IQGAP2: variants seen among roughly 807,000 people sequenced by gnomAD.
The protein encoded by IQGAP2 is IQ motif containing GTPase activating protein 2.
Under a neutral mutation model 201.3 loss-of-function variants are expected in IQGAP2, and 173 were observed. The ratio of observed to expected loss-of-function variants is 0.86; its 90% CI spans 0.76 to 0.98. The LOEUF is 0.98. Ranked by LOEUF, IQGAP2 falls within the 50% of genes least tolerant of loss-of-function variation. The pLI is 0.00. For missense variants in IQGAP2, 1,687 were observed against 1,864.8 expected (o/e 0.90, Z 1.76); for synonymous variants, 675 against 673.9 (o/e 1.00, Z -0.03).
chr5:76,661,073 T>C (rs1458743973), intron 21 of IQGAP2, among the ~76,000 whole-genome samples: 1 of 152,202 alleles, frequency 6.6e-6, no homozygotes, highest in Non-Finnish European at 1.5e-5. Context: ...CTTTGGGTGA[T>C]AGTTAAGTTT....
At chr5:76,482,686 G>A (rs1403670633) in intron 2 of IQGAP2, among the ~76,000 whole-genome samples, 1 of 152,214 alleles carries the variant, frequency 6.6e-6, no homozygotes, top group African/African-American at 2.4e-5. Context: ...GTTATTCATT[G>A]TGTACAGCTG....
At chr5:76,551,259 G>T (rs1047704149) in intron 2 of IQGAP2, among the ~76,000 whole-genome samples, 4 of 151,450 alleles carry the variant, frequency 2.6e-5, no homozygotes, top group African/African-American at 9.7e-5. Context: ...CCCAGACGGG[G>T]CGGCGGGGCA....
chr5:76,573,702 C>T (rs1745275542), intron 4 of IQGAP2, among the ~76,000 whole-genome samples: 1 of 152,234 alleles, frequency 6.6e-6, no homozygotes, highest in South Asian at 2.1e-4. Context: ...ATCTTCGCCT[C>T]CTGGGTTCAA....
intron 2 of IQGAP2, among the ~76,000 whole-genome samples, chr5:76,525,378 T>G (rs568696276): frequency 6.6e-6 from 1 of 152,352 alleles, no homozygotes; most frequent in African/African-American, 2.4e-5. Flanking sequence ...AATTTAGGAC[T>G]TAAAATCTGG....
chr5:76,662,383 C>G (rs1743336773), intron 21 of IQGAP2, among the ~76,000 whole-genome samples: 1 of 152,150 alleles, frequency 6.6e-6, no homozygotes, highest in Admixed American at 6.5e-5. Context: ...TAGATCTGCC[C>G]CAGATCTTGC....
At chr5:76,452,877 A>G (rs1753847846) in intron 1 of IQGAP2, among the ~76,000 whole-genome samples, 1 of 151,776 alleles carries the variant, frequency 6.6e-6, no homozygotes, top group African/African-American at 2.4e-5. Flanking sequence ...TTCCTATTCG[A>G]AAAATGTATT....
intron 13 of IQGAP2, among the ~76,000 whole-genome samples, chr5:76,615,146 A>C (rs1748819069): frequency 6.6e-6 from 1 of 152,194 alleles, no homozygotes; most frequent in Non-Finnish European, 1.5e-5. Context: ...TTACAATTGA[A>C]GGTTTTGCTT....
chr5:76,481,725 T>C (rs947235627), intron 2 of IQGAP2, among the ~76,000 whole-genome samples: 1 of 152,206 alleles, frequency 6.6e-6, no homozygotes, highest in African/African-American at 2.4e-5. Context: ...CTGTCCTTTA[T>C]TTTATACTAA....
intron 31 of IQGAP2, 126 bp from the exon 32 acceptor site, chr5:76,695,328 G>C (rs1254933726): frequency 2.8e-6 from 2 of 712,206 alleles, no homozygotes; most frequent in Non-Finnish European, 2.4e-6. Flanking sequence ...AACATGTTCT[G>C]GTTCTAGTCT....
chr5:76,503,453 G>A (rs1181515977), intron 2 of IQGAP2, among the ~76,000 whole-genome samples: 1 of 151,860 alleles, frequency 6.6e-6, no homozygotes, highest in Non-Finnish European at 1.5e-5. Context: ...GGGATTACAG[G>A]CATCAGCCAC....
intron 24 of IQGAP2, among the ~76,000 whole-genome samples, chr5:76,672,994 A>G (rs1459746227): frequency 6.6e-6 from 1 of 152,056 alleles, no homozygotes. Flanking sequence ...AGCATGGCAC[A>G]TGTATACATA....
chr5:76,487,480 A>G (rs1210214209), intron 2 of IQGAP2, among the ~76,000 whole-genome samples: 4 of 152,220 alleles, frequency 2.6e-5, no homozygotes, highest in African/African-American at 9.7e-5. Flanking sequence ...GTTTATCTTT[A>G]TAGTATTATT....
At chr5:76,554,777 C>T (rs1228442283) in intron 2 of IQGAP2, among the ~76,000 whole-genome samples, 3 of 152,118 alleles carry the variant, frequency 2.0e-5, no homozygotes, top group African/African-American at 7.2e-5. Flanking sequence ...CATAGAGTTA[C>T]CATATGACCC....
chr5:76,516,534 C>G (rs1247617884), intron 2 of IQGAP2, among the ~76,000 whole-genome samples: 1 of 151,876 alleles, frequency 6.6e-6, no homozygotes, highest in African/African-American at 2.4e-5. Flanking sequence ...TCTTAATTCT[C>G]CAGGATAATA....
intron 32 of IQGAP2, among the ~76,000 whole-genome samples, chr5:76,697,287 G>GA (rs746096016): frequency 6.6e-5 from 10 of 152,164 alleles, no homozygotes; most frequent in South Asian, 6.2e-4. Context: ...TTTTAAAAAT[G>GA]AATTTAACAA....
intron 2 of IQGAP2, among the ~76,000 whole-genome samples, chr5:76,531,916 G>C (rs376262998): frequency 6.6e-6 from 1 of 152,206 alleles, no homozygotes; most frequent in East Asian, 1.9e-4. Context: ...TGGTAGATTC[G>C]GTATCTGGTG....
chr5:76,502,165 T>C (rs1261735637), intron 2 of IQGAP2, among the ~76,000 whole-genome samples: 1 of 152,174 alleles, frequency 6.6e-6, no homozygotes, highest in African/African-American at 2.4e-5. Context: ...GGGACTCCAT[T>C]TGGCACAGAT....
chr5:76,606,330 A>G (rs762892724), intron 12 of IQGAP2, 27 bp downstream of exon 12: 6 of 1,546,062 alleles, frequency 3.9e-6, no homozygotes, highest in Non-Finnish European at 5.2e-6. Context: ...TTCCTTCTCT[A>G]GCATAGTGGG....
intron 2 of IQGAP2, among the ~76,000 whole-genome samples, chr5:76,530,788 C>G (rs538989476): frequency 2.0e-5 from 3 of 152,304 alleles, no homozygotes; most frequent in African/African-American, 7.2e-5. Flanking sequence ...ATAGAGGAAA[C>G]CACATAAAGC....
Sources: gnomAD v4.1 joint callset for allele counts (sites outside exome capture counted in the v4.1 genomes callset) on GRCh38, gnomAD v4.1.1 for gene constraint, MANE v1.5 for transcripts, NCBI Gene and HGNC (gene_info 2026-07-23, HGNC 2026-07-21) for gene names.